Variants in KCNH8 observed in about 807,000 individuals in gnomAD.
KCNH8 encodes voltage-gated delayed rectifier potassium channel KCNH8.
Under a neutral mutation model 103.6 loss-of-function variants are expected in KCNH8, and 70 were observed. The ratio of observed to expected loss-of-function variants is 0.68; its 90% confidence interval spans 0.56 to 0.82. The LOEUF (loss-of-function observed/expected upper bound fraction) is 0.82. Among genes scored for constraint, KCNH8 ranks in the 40% least tolerant of loss-of-function variants. The pLI is 0.00. For missense variants in KCNH8, 1,217 were observed against 1,329.9 expected, an observed-to-expected ratio of 0.92 and a Z score of 1.32; for synonymous variants, 498 against 489.4, an observed-to-expected ratio of 1.02 and a Z score of -0.23.
intron 11 of KCNH8, among the ~76,000 whole-genome samples, chr3:19,488,061 C>T (rs574118905): frequency 2.0e-5 from 3 of 152,188 alleles, no homozygotes; most frequent in East Asian, 1.9e-4. Context: ...TCCTTGGGGG[C>T]GCTTCAGCCC....
rs542632721 is a variant in KCNH8 at position 19,458,733 on chromosome 3, C to T, written c.2040+1751C>T. ...CTTAAACTCTGTATCCTTTAAGCAACGTCTTTCTAATCTCTTCTGGACCTG... is the reference window on the plus strand; with the variant it reads ...CTTAAACTCTGTATCCTTTAAGCAATGTCTTTCTAATCTCTTCTGGACCTG... On this transcript the variant is annotated intron_variant, in intron 11 of 15. Coordinates refer to ENST00000328405, the MANE Select transcript of KCNH8 (RefSeq NM_144633.3). Among the ~76,000 whole-genome samples the T allele has an allele frequency of 1.7e-4, 26 of 152,036 alleles. No homozygotes were observed. The South Asian group carries it at 4.8e-3, about 28-fold the overall frequency.
intron 1 of KCNH8, among the ~76,000 whole-genome samples, chr3:19,238,617 A>G (rs2064094826): frequency 6.6e-6 from 1 of 152,184 alleles, no homozygotes; most frequent in African/African-American, 2.4e-5. Flanking sequence ...GACCTTTTAC[A>G]AAGGCAAAAG....
intron 7 of KCNH8, among the ~76,000 whole-genome samples, chr3:19,436,201 GT>G (rs2067197147): frequency 6.6e-6 from 1 of 151,868 alleles, no homozygotes; most frequent in South Asian, 2.1e-4. Flanking sequence ...GATACCTTTT[GT>G]TTTTATCATA....
chr3:19,475,534 T>C (rs2067955694), intron 11 of KCNH8, among the ~76,000 whole-genome samples: 1 of 152,214 alleles, frequency 6.6e-6, no homozygotes, highest in Non-Finnish European at 1.5e-5. Context: ...TTGTCCCTAA[T>C]TTCCTCACTG....
chr3:19,274,609 A>G lies in KCNH8; in HGVS notation c.311-6589A>G, dbSNP rs544328016. 6.0e-4 allele frequency among the ~76,000 whole-genome samples: 91 copies of G among 152,218 alleles called. 2 individuals carry two copies. The highest frequency in any genetic ancestry group is 4.6e-4 in the Admixed American group (7 of 15,278). On this transcript the variant is annotated intron_variant, in intron 2 of 15. Transcript: ENST00000328405. Reference sequence around the variant, plus strand: ...TTTGTTGAGCAAGGATGTTGGATGTATTGACTAAATCATGTCTTGGGGATA... The same window carrying G: ...TTTGTTGAGCAAGGATGTTGGATGTGTTGACTAAATCATGTCTTGGGGATA...
chr3:19,423,763 C>T (rs1320400398), intron 7 of KCNH8, among the ~76,000 whole-genome samples: 3 of 151,854 alleles, frequency 2.0e-5, no homozygotes, highest in African/African-American at 2.4e-5. Context: ...GTGTCTTTTT[C>T]GTATAATGAC....
intron 8 of KCNH8, among the ~76,000 whole-genome samples, chr3:19,444,658 A>G (rs889425891): frequency 5.3e-5 from 8 of 151,912 alleles, no homozygotes; most frequent in African/African-American, 1.2e-4. Flanking sequence ...AAAAAAATCA[A>G]TCAACGCCCT....
At chr3:19,269,378 A>G (rs2064557047) in intron 2 of KCNH8, among the ~76,000 whole-genome samples, 1 of 152,130 alleles carries the variant, frequency 6.6e-6, no homozygotes, top group Admixed American at 6.6e-5. Context: ...TTTCAGAACT[A>G]TACTAGGAGT....
intron 1 of KCNH8, among the ~76,000 whole-genome samples, chr3:19,221,872 G>T (rs2063878941): frequency 6.6e-6 from 1 of 151,114 alleles, no homozygotes; most frequent in Non-Finnish European, 1.5e-5. Flanking sequence ...TCTTGAGACG[G>T]AGTCTCATTC....
At chr3:19,358,608 T>G (rs2065910695) in intron 5 of KCNH8, among the ~76,000 whole-genome samples, 1 of 151,988 alleles carries the variant, frequency 6.6e-6, no homozygotes, top group South Asian at 2.1e-4. Flanking sequence ...AAAAACAAGT[T>G]ATAACAGATA....
At chr3:19,487,930 G>C (rs568501340) in intron 11 of KCNH8, among the ~76,000 whole-genome samples, 4 of 152,138 alleles carry the variant, frequency 2.6e-5, no homozygotes, top group African/African-American at 9.7e-5. Context: ...CTGTTGCTCC[G>C]ATTATATCAA....
At chr3:19,196,471 AG>A (rs950893021) in intron 1 of KCNH8, among the ~76,000 whole-genome samples, 3 of 151,954 alleles carry the variant, frequency 2.0e-5, no homozygotes, top group Admixed American at 6.6e-5. Context: ...AAAAAAAAAA[AG>A]ATCTTGGCTT....
intron 11 of KCNH8, among the ~76,000 whole-genome samples, chr3:19,503,401 C>T (rs1279963619): frequency 3.3e-5 from 5 of 152,106 alleles, no homozygotes; most frequent in Non-Finnish European, 7.3e-5. Flanking sequence ...CTAGAAATAC[C>T]ATTTGACCCA....
intron 11 of KCNH8, among the ~76,000 whole-genome samples, chr3:19,495,525 C>G (rs1003674753): frequency 3.9e-5 from 6 of 151,960 alleles, no homozygotes; most frequent in African/African-American, 1.4e-4. Flanking sequence ...AGGTGTGCAG[C>G]CTTATTTCTG....
At chr3:19,321,713 T>A (rs2065352672) in intron 3 of KCNH8, among the ~76,000 whole-genome samples, 1 of 152,078 alleles carries the variant, frequency 6.6e-6, no homozygotes, top group Non-Finnish European at 1.5e-5. Context: ...TAGAGTATAG[T>A]TTAAGTCCAT....
At chr3:19,182,895 GC>G (rs2063469164) in intron 1 of KCNH8, among the ~76,000 whole-genome samples, 1 of 152,182 alleles carries the variant, frequency 6.6e-6, no homozygotes, top group African/African-American at 2.4e-5. Context: ...TTGTTTTTAA[GC>G]CACAACAGTT....
chr3:19,406,324 C>T (rs2066690525), intron 7 of KCNH8, among the ~76,000 whole-genome samples: 2 of 152,056 alleles, frequency 1.3e-5, no homozygotes, highest in African/African-American at 4.8e-5. Flanking sequence ...TAGCTATAGC[C>T]ATGAACTTTC....
At chr3:19,479,962 A>G (rs958402790) in intron 11 of KCNH8, among the ~76,000 whole-genome samples, 1 of 152,228 alleles carries the variant, frequency 6.6e-6, no homozygotes, top group Non-Finnish European at 1.5e-5. Context: ...TGAATCAGTC[A>G]GAAAGAAGAG....
intron 1 of KCNH8, among the ~76,000 whole-genome samples, chr3:19,160,303 C>G (rs941286283): frequency 1.3e-5 from 2 of 152,110 alleles, no homozygotes; most frequent in South Asian, 2.1e-4. Context: ...CAAAGGACTG[C>G]TCTTCCAAAT....
Sources: allele counts gnomAD v4.1 joint callset (sites outside exome capture counted in the v4.1 genomes callset), GRCh38; gene constraint gnomAD v4.1.1; transcripts MANE v1.5; gene names NCBI Gene and HGNC (gene_info 2026-07-23, HGNC 2026-07-21).